The following ROR1 variants were observed in gnomAD, a reference collection of about 807,000 sequenced individuals.
The protein encoded by ROR1 is inactive tyrosine-protein kinase transmembrane receptor ROR1.
Under a neutral mutation model 78.8 loss-of-function variants are expected in ROR1, and 19 were observed. The observed-to-expected ratio is 0.24, with a 90% CI of 0.17 to 0.35. ROR1 has a LOEUF of 0.35. ROR1 is among the 10% of genes least tolerant of loss of function. ROR1 has a pLI of 1.00. For missense variants in ROR1, 917 were observed against 1,177.8 expected (o/e 0.78, Z 3.24); for synonymous variants, 386 against 433.6 (o/e 0.89, Z 1.36).
intron 1 of ROR1, among the ~76,000 whole-genome samples, chr1:63,789,484 A>G (rs1257267594): frequency 6.6e-6 from 1 of 152,208 alleles, no homozygotes; most frequent in Non-Finnish European, 1.5e-5. Context: ...AAATAAGTCA[A>G]TGTGAACATG....
intron 4 of ROR1, among the ~76,000 whole-genome samples, chr1:64,060,908 A>C (rs1054833240): frequency 1.3e-5 from 2 of 152,216 alleles, no homozygotes; most frequent in African/African-American, 4.8e-5. Context: ...TGTATGAATA[A>C]AGCCTGGAAA....
intron 4 of ROR1, among the ~76,000 whole-genome samples, chr1:64,057,269 C>A (rs1646882196): frequency 6.6e-6 from 1 of 152,100 alleles, no homozygotes; most frequent in Non-Finnish European, 1.5e-5. Context: ...CCATTCTTTA[C>A]CCATTGAATT....
At chr1:64,115,446 C>T (rs2100680225) in intron 4 of ROR1, among the ~76,000 whole-genome samples, 2 of 151,976 alleles carry the variant, frequency 1.3e-5, no homozygotes, top group Middle Eastern at 6.8e-3. Context: ...ATTGCCCAGG[C>T]TGGTCTTGAA....
chr1:63,925,349 T>C (rs1408911320), intron 1 of ROR1, among the ~76,000 whole-genome samples: 3 of 150,080 alleles, frequency 2.0e-5, no homozygotes, highest in Admixed American at 6.6e-5. Context: ...GAACTCATCA[T>C]TTTTTATGGC....
intron 1 of ROR1, among the ~76,000 whole-genome samples, chr1:63,905,569 T>A (rs937871463): frequency 2.6e-5 from 4 of 152,172 alleles, no homozygotes; most frequent in Non-Finnish European, 4.4e-5. Context: ...ACGGATGTAG[T>A]TTTTAAGATA....
chr1:64,106,620 G>A (rs1022188172), intron 4 of ROR1: 1 of 152,058 alleles, frequency 6.6e-6, no homozygotes, highest in African/African-American at 2.4e-5. Context: ...CTTTTATTTT[G>A]AGATATGTTC....
chr1:63,970,947 A>G (rs141549288), intron 1 of ROR1, among the ~76,000 whole-genome samples: 1 of 152,266 alleles, frequency 6.6e-6, no homozygotes, highest in Non-Finnish European at 1.5e-5. Context: ...CTAACCTTCT[A>G]TGTTTCTCTG....
At chr1:63,898,862 CT>C (rs1384341540) in intron 1 of ROR1, among the ~76,000 whole-genome samples, 13 of 152,148 alleles carry the variant, frequency 8.5e-5, no homozygotes, top group South Asian at 4.2e-4. Context: ...TTTCTTGGTC[CT>C]TCTGGCCTAA....
chr1:64,130,223 A>T (rs543051424), intron 4 of ROR1, among the ~76,000 whole-genome samples: 1 of 151,904 alleles, frequency 6.6e-6, no homozygotes, highest in African/African-American at 2.4e-5. Context: ...TGAATTCTCA[A>T]CCCTATAGAT....
chr1:63,866,273 G>T (rs965180445), intron 1 of ROR1, among the ~76,000 whole-genome samples: 1 of 151,984 alleles, frequency 6.6e-6, no homozygotes, highest in Non-Finnish European at 1.5e-5. Context: ...GTGGTCTGGA[G>T]CAAATGCTGG....
chr1:63,919,103 G>C (rs1266679311), intron 1 of ROR1, among the ~76,000 whole-genome samples: 2 of 152,156 alleles, frequency 1.3e-5, no homozygotes, highest in African/African-American at 4.8e-5. Flanking sequence ...TCTTTGAAAT[G>C]ATGGTTCAAT....
intron 7 of ROR1, among the ~76,000 whole-genome samples, chr1:64,148,673 T>C (rs1649540169): frequency 1.3e-5 from 2 of 152,194 alleles, no homozygotes; most frequent in South Asian, 4.1e-4. Context: ...GTTTTATCTG[T>C]GAACCTTCAC....
At chr1:63,981,625 G>T (rs1646210883) in intron 1 of ROR1, among the ~76,000 whole-genome samples, 1 of 152,120 alleles carries the variant, frequency 6.6e-6, no homozygotes, top group Non-Finnish European at 1.5e-5. Context: ...GATGTCTTGA[G>T]AGCTGGTGTC....
At chr1:63,803,832 T>C (rs574791236) in intron 1 of ROR1, among the ~76,000 whole-genome samples, 1 of 152,254 alleles carries the variant, frequency 6.6e-6, no homozygotes, top group South Asian at 2.1e-4. Flanking sequence ...TTAAACAAAC[T>C]GTGCTACATC....
At chr1:63,889,288 G>T (rs1645378315) in intron 1 of ROR1, among the ~76,000 whole-genome samples, 1 of 152,128 alleles carries the variant, frequency 6.6e-6, no homozygotes, top group South Asian at 2.1e-4. Context: ...ATATAGGAGG[G>T]ACTACACAAG....
chr1:64,156,162 T>G lies in ROR1; in HGVS notation c.1175-2819T>G, dbSNP rs571875138. 2.6e-5 allele frequency among the ~76,000 whole-genome samples: 4 copies of G among 152,328 alleles called. No homozygotes were observed. In the South Asian group the frequency reaches 8.3e-4, roughly 32 times the overall value. ...GTAACTGGTACTAGAATAGATTTGT[T>G]GCTTACAGCAATTCTGTGAAGTAGG... On this transcript the variant is annotated intron_variant, in intron 7 of 8. Transcript: ENST00000371079.
At chr1:63,990,496 G>GGTTGTTTCT (rs1646286960) in intron 1 of ROR1, among the ~76,000 whole-genome samples, 1 of 151,478 alleles carries the variant, frequency 6.6e-6, no homozygotes, top group Non-Finnish European at 1.5e-5. Flanking sequence ...AAAGAATTCT[G>GGTTGTTTCT]GATTTACATG....
chr1:63,972,235 T>C (rs1003878964), intron 1 of ROR1, among the ~76,000 whole-genome samples: 5 of 152,220 alleles, frequency 3.3e-5, no homozygotes, highest in Admixed American at 6.5e-5. Context: ...TCCTTTTATT[T>C]AGACCTTAAA....
At chr1:63,823,445 C>CT (rs11374055) in intron 1 of ROR1, among the ~76,000 whole-genome samples, 97,081 of 106,282 alleles carry the variant, frequency 0.91, 44,979 homozygotes, top group East Asian at 0.97. Flanking sequence ...ACAGACATTA[C>CT]TTTTTTTTTT....
Sources: allele counts gnomAD v4.1 joint callset (sites outside exome capture counted in the v4.1 genomes callset), GRCh38; gene constraint gnomAD v4.1.1; transcripts MANE v1.5; gene names NCBI Gene and HGNC (gene_info 2026-07-23, HGNC 2026-07-21).